IL7: variants seen among roughly 807,000 people sequenced by gnomAD.
The protein encoded by IL7 is interleukin 7.
IL7 carries 3 observed loss-of-function variants against 21.6 expected under a neutral mutation model. The ratio of observed to expected loss-of-function variants is 0.14; its 90% CI spans 0.06 to 0.36. The LOEUF is 0.36. IL7 is among the 10% of genes least tolerant of loss of function. The probability of loss-of-function intolerance (pLI) is 1.00; values close to 1 mark genes in which losing one functional copy is unlikely to be tolerated. For synonymous variants in IL7, 62 were observed against 68.1 expected, an observed-to-expected ratio of 0.91 and a Z score of 0.44; for missense variants, 175 against 200.2, an observed-to-expected ratio of 0.87 and a Z score of 0.76.
chr8:78,725,822 C>T (rs998253724), intron 3 of IL7, among the ~76,000 whole-genome samples: 1 of 151,972 alleles, frequency 6.6e-6, no homozygotes, highest in Non-Finnish European at 1.5e-5. Context: ...CAATCTGTGA[C>T]ATTTAATAGG....
intron 4 of IL7, among the ~76,000 whole-genome samples, chr8:78,684,162 A>T (rs762185048): frequency 5.3e-5 from 8 of 152,214 alleles, no homozygotes; most frequent in Non-Finnish European, 8.8e-5. Flanking sequence ...TCTTAATAGC[A>T]GTACCCCACT....
intron 3 of IL7, chr8:78,723,745 T>G (rs1811290451): frequency 5.1e-6 from 1 of 196,356 alleles, no homozygotes. Context: ...AAATATCATA[T>G]ATGAGGAAGT....
At chr8:78,680,674 T>C (rs1809747651) in intron 4 of IL7, among the ~76,000 whole-genome samples, 1 of 152,274 alleles carries the variant, frequency 6.6e-6, no homozygotes, top group East Asian at 1.9e-4. Flanking sequence ...ATCAAATATA[T>C]GTAAGGATTG....
At chr8:78,730,298 T>G (rs1280004858), downstream of IL7, among the ~76,000 whole-genome samples, 1 of 151,970 alleles carries the variant, frequency 6.6e-6, no homozygotes, top group Admixed American at 6.6e-5. Context: ...TCTCAAATAT[T>G]AACTTTATGG....
At chr8:78,697,322 CAAAG>C (rs1395710697) in intron 3 of IL7, 1 of 1,120,462 alleles carries the variant, frequency 8.9e-7, no homozygotes, top group East Asian at 2.6e-5. Flanking sequence ...ATCCTAAACC[CAAAG>C]AATGTTAAGT....
intron 2 of IL7, among the ~76,000 whole-genome samples, chr8:78,768,208 G>A (rs943718389): frequency 1.2e-4 from 19 of 152,060 alleles, no homozygotes; most frequent in African/African-American, 4.1e-4. Flanking sequence ...CTTTGCTATT[G>A]TGAATAGTGC....
intron 3 of IL7, among the ~76,000 whole-genome samples, chr8:78,702,724 A>G (rs776030978): frequency 2.7e-4 from 41 of 152,240 alleles, no homozygotes; most frequent in Middle Eastern, 6.8e-3. Context: ...TTATCCAAAA[A>G]TCATTCAGGA....
exon 7 of IL7, chr8:78,717,975 T>A (rs1811158672): frequency 6.6e-6 from 1 of 152,598 alleles, no homozygotes; most frequent in African/African-American, 2.4e-5. Flanking sequence ...ACAGTTTTAG[T>A]TACCATTAGG....
chr8:78,763,062 G>T (rs999579637), intron 2 of IL7, among the ~76,000 whole-genome samples: 4 of 152,156 alleles, frequency 2.6e-5, no homozygotes, highest in African/African-American at 4.8e-5. Flanking sequence ...TTCTTCATTG[G>T]CTTAGGCTCT....
At chr8:78,708,278 C>T (rs546683582) in intron 3 of IL7, among the ~76,000 whole-genome samples, 1 of 152,190 alleles carries the variant, frequency 6.6e-6, no homozygotes, top group East Asian at 1.9e-4. Context: ...TATTGTAGTC[C>T]ACTTTAATCA....
chr8:78,789,281 C>T (rs1813610020), intron 2 of IL7, among the ~76,000 whole-genome samples: 1 of 151,994 alleles, frequency 6.6e-6, no homozygotes, highest in African/African-American at 2.4e-5. Flanking sequence ...TGTTAAATTG[C>T]AACTGATTAG....
At chr8:78,696,411 C>T (rs1441651039) in intron 3 of IL7, among the ~76,000 whole-genome samples, 1 of 152,144 alleles carries the variant, frequency 6.6e-6, no homozygotes, top group African/African-American at 2.4e-5. Flanking sequence ...GTATGATTTT[C>T]ACCTTATGGT....
chr8:78,690,412 T>G (rs936717262), intron 3 of IL7, among the ~76,000 whole-genome samples: 2 of 151,992 alleles, frequency 1.3e-5, no homozygotes, highest in Non-Finnish European at 2.9e-5. Context: ...TACAAAAAAT[T>G]AGCTGGACGT....
intron 2 of IL7, among the ~76,000 whole-genome samples, chr8:78,774,337 T>A (rs1434347511): frequency 6.6e-6 from 1 of 152,104 alleles, no homozygotes; most frequent in Non-Finnish European, 1.5e-5. Flanking sequence ...TGATTCTTTG[T>A]GATGACAATA....
intron 2 of IL7, among the ~76,000 whole-genome samples, chr8:78,755,780 G>A (rs1038481889): frequency 2.0e-5 from 3 of 151,894 alleles, no homozygotes; most frequent in African/African-American, 7.2e-5. Flanking sequence ...CTGCAAAGAG[G>A]GACAATTGAC....
intron 2 of IL7, among the ~76,000 whole-genome samples, chr8:78,758,876 T>A (rs1201648908): frequency 6.6e-6 from 1 of 152,124 alleles, no homozygotes; most frequent in Non-Finnish European, 1.5e-5. Context: ...TAGCTTTCTA[T>A]ATCTAGATGT....
At chr8:78,678,603 A>T in intron 4 of IL7, 2 of 1,612,442 alleles carry the variant, frequency 1.2e-6, no homozygotes, top group East Asian at 2.2e-5. Context: ...GCAACTAAAA[A>T]ACGGAAGACT....
chr8:78,692,693 G>A (rs1810249392), intron 3 of IL7, among the ~76,000 whole-genome samples: 3 of 151,948 alleles, frequency 2.0e-5, no homozygotes, highest in African/African-American at 4.8e-5. Context: ...TGGTTATATA[G>A]CCACTTCACC....
intron 4 of IL7, among the ~76,000 whole-genome samples, chr8:78,683,320 T>A (rs1023473234): frequency 1.1e-4 from 16 of 152,240 alleles, no homozygotes; most frequent in Non-Finnish European, 5.9e-5. Flanking sequence ...GAAACAAACT[T>A]CTTCCTGGAC....
Sources: gnomAD v4.1 joint callset for allele counts (sites outside exome capture counted in the v4.1 genomes callset) on GRCh38, gnomAD v4.1.1 for gene constraint, MANE v1.5 for transcripts, NCBI Gene and HGNC (gene_info 2026-07-23, HGNC 2026-07-21) for gene names.